PHC2: variants seen among roughly 807,000 people sequenced by gnomAD.
PHC2 encodes the protein polyhomeotic homolog 2.
Under a neutral mutation model 87.4 loss-of-function variants are expected in PHC2, and 29 were observed. The ratio of observed to expected loss-of-function variants is 0.33; its 90% CI spans 0.25 to 0.45. The LOEUF is 0.45. Among genes scored for constraint, PHC2 ranks in the 20% least tolerant of loss-of-function variants. The probability of loss-of-function intolerance (pLI) is 1.00; values close to 1 mark genes in which losing one functional copy is unlikely to be tolerated. For missense variants in PHC2, 857 were observed against 1,136.7 expected, an observed-to-expected ratio of 0.75 and a Z score of 3.54; for synonymous variants, 438 against 461.7, an observed-to-expected ratio of 0.95 and a Z score of 0.66.
chr1:33,372,182 A>G lies in PHC2; in HGVS notation c.333+107T>C, dbSNP rs1272359937. 1.2e-5 allele frequency: 13 copies of G among 1,106,438 alleles called. No individual in the cohort carries two copies. In the East Asian group the frequency reaches 3.4e-4, roughly 29 times the overall value. 68.5% of individuals were successfully genotyped at this position (1,106,438 alleles called of 1,614,324 possible). On this transcript the variant is annotated intron_variant, in intron 3 of 14. Transcript: ENST00000683057. ...TGTCACAAGGACTTCTTTAGGTTGC[A>G]GGTAAGAGAAGGATGTGAAGCGCAG...
chr1:33,376,572 A>G lies in PHC2; in HGVS notation c.-54-979T>C, dbSNP rs552736404. On this transcript the variant is annotated intron_variant, in intron 1 of 14. Coordinates refer to ENST00000683057, the MANE Select transcript of PHC2 (RefSeq NM_001385109.1). The stretch of plus-strand genomic sequence containing the variant: ...TTCATCGTTGGGGTGGGGACACTGA[A>G]CATCAGAGAATTTACTATTTGTCCA... 4.6e-5 allele frequency among the ~76,000 whole-genome samples: 7 copies of G among 152,312 alleles called. No individual in the cohort carries two copies. The South Asian group carries it at 1.2e-3, about 27-fold the overall frequency.
chr1:33,333,913 T>C, intron 10 of PHC2, 177 bp downstream of exon 10: 1 of 623,932 alleles, frequency 1.6e-6, no homozygotes, highest in Non-Finnish European at 2.8e-6. Context: ...CCCCCTCTTC[T>C]GGACCTTGGA....
At chr1:33,385,783 T>C (rs931455406) in intron 1 of PHC2, among the ~76,000 whole-genome samples, 11 of 151,696 alleles carry the variant, frequency 7.3e-5, no homozygotes, top group Non-Finnish European at 1.2e-4. Context: ...TTCTTGGGTC[T>C]AGTAACAGAA....
intron 9 of PHC2, chr1:33,346,841 G>C (rs1646853593): frequency 1.0e-6 from 1 of 985,226 alleles, no homozygotes; most frequent in Admixed American, 6.1e-5. Context: ...ATAGAGAAAA[G>C]TAGACAAAAA....
intron 1 of PHC2, among the ~76,000 whole-genome samples, chr1:33,385,794 TAAA>T (rs200084605): frequency 7.0e-6 from 1 of 142,906 alleles, no homozygotes; most frequent in Non-Finnish European, 1.6e-5. Flanking sequence ...AGTAACAGAA[TAAA>T]AATTTTTTTT....
chr1:33,329,123 C>T lies in PHC2; in HGVS notation c.2172G>A (p.Ser724=), dbSNP rs374623233. The change falls in exon 14 of 15, where the codon TCG becomes TCA. Residue 724 remains serine (S), a synonymous_variant. Coordinates refer to ENST00000683057, the MANE Select transcript of PHC2 (RefSeq NM_001385109.1). ...KKQPTGTVPL[S]VTAALQLTHS... ...GTGTTAGCTGCAAAGCAGCAGTAAC[C>T]GAAAGGGGCACAGTGCCTGTTGGCT... 19 of 1,613,938 alleles carry T rather than the reference C, an allele frequency of 1.2e-5. No homozygotes were observed. The highest frequency in any genetic ancestry group is 4.5e-5 in the East Asian group (2 of 44,882).
At chr1:33,335,854 C>A (rs943453222) in intron 9 of PHC2, among the ~76,000 whole-genome samples, 5 of 150,906 alleles carry the variant, frequency 3.3e-5, no homozygotes, top group African/African-American at 1.2e-4. Flanking sequence ...GAGCTGAGAT[C>A]TCGCCACCCC....
chr1:33,372,789 G>A (rs1195844231), intron 2 of PHC2, among the ~76,000 whole-genome samples: 1 of 152,168 alleles, frequency 6.6e-6, no homozygotes, highest in Admixed American at 6.5e-5. Flanking sequence ...GAGACAGAAG[G>A]GTCTCCACCA....
rs1485419056 is a variant in PHC2 at position 33,330,108 on chromosome 1, G to C, written c.2111C>G (p.Ala704Gly). The change falls in exon 13 of 15, where the codon GCC becomes GGC. Residue 704 changes from alanine (A) to glycine (G), a missense_variant. Transcript: ENST00000683057. ...ATCCTTGGTAAGTGGTGGCAGACTG[G>C]CTTTGCTGGCCCGACGGCGGTTGTG... is the stretch of plus-strand genomic sequence containing the variant. ...ATHNRRRASK[A>G]SLPPLTKDTK... is the part of the protein sequence containing the mutation. 1 of 1,614,064 alleles carries C rather than the reference G, an allele frequency of 6.2e-7. No individual in the cohort carries two copies. Among genetic ancestry groups the C allele is most frequent in the African/African-American group, 1.3e-5 (1 of 74,920 alleles).
intron 9 of PHC2, among the ~76,000 whole-genome samples, chr1:33,350,900 A>G (rs758749353): frequency 1.3e-5 from 2 of 152,182 alleles, no homozygotes; most frequent in Non-Finnish European, 2.9e-5. Context: ...TGTTTTATAA[A>G]CTAGGGTAAC....
At chr1:33,359,467 G>A (rs1346361124) in intron 7 of PHC2, among the ~76,000 whole-genome samples, 2 of 152,174 alleles carry the variant, frequency 1.3e-5, no homozygotes. Context: ...GAGAGGAATG[G>A]CAGATCTTTT....
chr1:33,376,142 C>T (rs1648166090), intron 1 of PHC2, among the ~76,000 whole-genome samples: 1 of 152,232 alleles, frequency 6.6e-6, no homozygotes, highest in African/African-American at 2.4e-5. Context: ...TCAAGCGATT[C>T]TCGTGCCTCA....
intron 1 of PHC2, among the ~76,000 whole-genome samples, chr1:33,430,367 C>T (rs978688653): frequency 4.6e-5 from 7 of 152,202 alleles, no homozygotes; most frequent in Admixed American, 2.0e-4. Context: ...CTCCCAGTTC[C>T]AGCAACCCCC....
chr1:33,406,041 T>C (rs571106724), intron 1 of PHC2, among the ~76,000 whole-genome samples: 1 of 152,338 alleles, frequency 6.6e-6, no homozygotes, highest in South Asian at 2.1e-4. Flanking sequence ...TACATATTCT[T>C]ACTGGGGCTT....
intron 1 of PHC2, among the ~76,000 whole-genome samples, chr1:33,423,036 C>G (rs902918226): frequency 6.6e-6 from 1 of 152,056 alleles, no homozygotes; most frequent in Non-Finnish European, 1.5e-5. Context: ...AAGACTAGAG[C>G]AGAGAGAGTA....
intron 9 of PHC2, among the ~76,000 whole-genome samples, chr1:33,340,152 C>G (rs1024795179): frequency 1.3e-5 from 2 of 152,186 alleles, no homozygotes; most frequent in Admixed American, 6.5e-5. Context: ...ACTTAAAAGA[C>G]TTCTATTTAC....
At chr1:33,355,299 T>C in intron 7 of PHC2, 46 bp from the exon 8 acceptor site, 1 of 1,489,050 alleles carries the variant, frequency 6.7e-7, no homozygotes, top group Non-Finnish European at 9.0e-7. Context: ...TGACCTTCTC[T>C]TCTGCTGTGT....
chr1:33,341,562 C>T (rs983026204), intron 9 of PHC2, among the ~76,000 whole-genome samples: 1 of 151,942 alleles, frequency 6.6e-6, no homozygotes, highest in Admixed American at 6.5e-5. Flanking sequence ...CTGAAGAAGC[C>T]GAAAAGGAAA....
rs1319213450 is a variant in PHC2, at chr1:33,349,139, A to T, written c.1558+5262T>A. ...CAGCTTGTCCCTTTCCATCCAATTA[A>T]AAACCTCGTGAGACTGAACTAGATT... On this transcript the variant is annotated intron_variant, in intron 9 of 14. Transcript: ENST00000683057. This position sits in a 1 kb window ranked among gnomAD's most constrained non-coding sequence, Gnocchi z 4.2. 80 of 985,352 alleles carry T rather than the reference A, an allele frequency of 8.1e-5. No homozygotes were observed. Among genetic ancestry groups the T allele is most frequent in the Non-Finnish European group, 8.7e-5 (72 of 829,930 alleles). The allele number at this position is 985,352 out of a possible 1,614,324, so 61.0% of individuals were successfully genotyped here.
Sources: gnomAD v4.1 joint callset for allele counts (sites outside exome capture counted in the v4.1 genomes callset) on GRCh38, gnomAD v4.1.1 for gene constraint, Gnocchi (gnomAD v3.1) non-coding constraint, MANE v1.5 for transcripts, NCBI Gene and HGNC (gene_info 2026-07-23, HGNC 2026-07-21) for gene names.